PLEKHS1: variants seen among roughly 807,000 people sequenced by gnomAD.
PLEKHS1 encodes the protein pleckstrin homology domain-containing family S member 1.
In PLEKHS1, 55 loss-of-function variants were observed where a neutral mutation model predicts 51.0. The observed-to-expected ratio is 1.08, with a 90% CI of 0.87 to 1.35. The LOEUF (loss-of-function observed/expected upper bound fraction) is 1.35, where lower values mean the gene tolerates loss of function less well. PLEKHS1 is among the 40% of genes most tolerant of loss of function. The pLI, the probability that PLEKHS1 is intolerant of heterozygous loss-of-function variation, is 0.00. For synonymous variants in PLEKHS1, 153 were observed against 144.8 expected (o/e 1.06, Z -0.41); for missense variants, 398 against 423.0 (o/e 0.94, Z 0.52).
chr10:113,757,295 T>C (rs1854166596), intron 2 of PLEKHS1, among the ~76,000 whole-genome samples: 1 of 152,184 alleles, frequency 6.6e-6, no homozygotes, highest in South Asian at 2.1e-4. Context: ...AAGTGTACAA[T>C]TTGATAGAAG....
rs756194357 is a variant in PLEKHS1, at chr10:113,775,638, A to G, written c.990-127A>G. On this transcript the variant is annotated intron_variant, in intron 10 of 11. Coordinates refer to ENST00000361048, the Ensembl canonical transcript of PLEKHS1. ...AACTTAAATTTATATTATTCTCCAA[A>G]TGTTTTGAACAACCTTTACCTGGAC... 4.4e-4 allele frequency: 257 copies of G among 589,852 alleles called. 1 individual carries two copies. The highest frequency in any genetic ancestry group is 1.1e-4 in the Non-Finnish European group (37 of 340,592). 36.5% of individuals were successfully genotyped at this position (589,852 alleles called of 1,614,324 possible).
At chr10:113,755,284 C>T (rs980520842) in exon 2 of PLEKHS1, 1 of 1,608,080 alleles carries the variant, frequency 6.2e-7, no homozygotes, top group African/African-American at 1.3e-5. Context: ...CATCATGGAA[C>T]CCAAACCTCA....
At position 113,774,902 on chromosome 10, in the gene PLEKHS1, G is replaced by T. The variant is rs972251078; in HGVS notation, c.856G>T (p.Gly286Trp). 4 of 1,614,014 alleles carry T rather than the reference G, an allele frequency of 2.5e-6. No individual in the cohort carries two copies. In the African/African-American group the frequency reaches 5.3e-5, roughly 22 times the overall value. The change falls in exon 10 of 12, where the codon GGG becomes TGG. Residue 286 changes from glycine (G) to tryptophan (W), a missense_variant. Transcript: ENST00000361048. Reference sequence around the variant, plus strand: ...CCAGACCCTTCCAGAGACCCAGGATGGGGACCTCCACCTGCAAGAACAAGG... The same window carrying T: ...CCAGACCCTTCCAGAGACCCAGGATTGGGACCTCCACCTGCAAGAACAAGG...
intron 1 of PLEKHS1, among the ~76,000 whole-genome samples, chr10:113,752,340 T>TATAC (rs1214574623): frequency 6.6e-6 from 1 of 152,196 alleles, no homozygotes; most frequent in Non-Finnish European, 1.5e-5. Context: ...TATGTGAAAT[T>TATAC]ATATGTATAC....
chr10:113,778,801 G>A (rs977835189), intron 11 of PLEKHS1, among the ~76,000 whole-genome samples: 1 of 152,048 alleles, frequency 6.6e-6, no homozygotes, highest in Non-Finnish European at 1.5e-5. Context: ...CGGCCACTAC[G>A]CCCAGCTAAT....
intron 1 of PLEKHS1, among the ~76,000 whole-genome samples, chr10:113,754,875 T>C (rs959016029): frequency 1.8e-4 from 27 of 152,228 alleles, no homozygotes; most frequent in African/African-American, 6.0e-4. Context: ...TGATGCTTTC[T>C]CGGCTACGTT....
intron 2 of PLEKHS1, among the ~76,000 whole-genome samples, chr10:113,760,196 T>C (rs1160599656): frequency 4.6e-5 from 7 of 152,384 alleles, no homozygotes; most frequent in African/African-American, 1.7e-4. Flanking sequence ...AATAGTTTGT[T>C]TCTTTTTATT....
downstream of PLEKHS1, chr10:113,782,963 T>A (rs1844899787): frequency 2.0e-5 from 3 of 152,156 alleles, no homozygotes; most frequent in African/African-American, 7.2e-5. Flanking sequence ...AGGCTGGACG[T>A]GGTGGTTCAT....
chr10:113,767,514 C>A, intron 5 of PLEKHS1, 35 bp downstream of exon 5: 1 of 1,567,096 alleles, frequency 6.4e-7, no homozygotes, highest in Non-Finnish European at 8.6e-7. Flanking sequence ...ATATCTACTG[C>A]ATGCAAAACA....
chr10:113,779,806 G>A (rs961850661), intron 11 of PLEKHS1, among the ~76,000 whole-genome samples: 9 of 152,224 alleles, frequency 5.9e-5, no homozygotes, highest in Non-Finnish European at 8.8e-5. Context: ...TCTTGTGCTC[G>A]TTCTGCCTTC....
Position 113,753,895 on chromosome 10 carries a change from C to G in PLEKHS1, c.-19-1364C>G, listed in dbSNP as rs544466393. Among the ~76,000 whole-genome samples, 4 of 152,200 alleles carry G rather than the reference C, an allele frequency of 2.6e-5. No individual in the cohort carries two copies. The East Asian group carries it at 7.7e-4, about 29-fold the overall frequency. On this transcript the variant is annotated intron_variant, in intron 1 of 11. Transcript: ENST00000361048. ...ATGTGATCTCGGCTCACTACCTCTG[C>G]CTTCTGGGTTCATGTGATTCTTCTG...
intron 2 of PLEKHS1, among the ~76,000 whole-genome samples, chr10:113,760,770 A>T (rs1843887007): frequency 1.3e-5 from 2 of 152,094 alleles, no homozygotes; most frequent in African/African-American, 4.8e-5. Context: ...TAGTCTTTTC[A>T]CTTTCTTAAT....
At chr10:113,782,056 C>T (rs1256120613) in exon 12 of PLEKHS1, 5 of 152,164 alleles carry the variant, frequency 3.3e-5, no homozygotes, top group African/African-American at 1.2e-4. Context: ...CTAATTGATC[C>T]TGGAAGGCCA....
intron 7 of PLEKHS1, among the ~76,000 whole-genome samples, chr10:113,771,515 AT>A (rs1211887997): frequency 1.3e-5 from 2 of 151,730 alleles, no homozygotes; most frequent in African/African-American, 4.8e-5. Flanking sequence ...CTACTAAAAA[AT>A]ATACAAAAAT....
In PLEKHS1 at chr10:113,775,808, CT is replaced by C; in HGVS notation, c.1036del (p.Ser346LeufsTer54). 1.2e-6 allele frequency: 2 copies of C among 1,613,070 alleles called. No individual in the cohort carries two copies. The highest frequency in any genetic ancestry group is 2.2e-5 in the South Asian group (2 of 90,738). On this transcript the variant is annotated frameshift_variant, in exon 11 of 12. Coordinates refer to ENST00000361048, the Ensembl canonical transcript of PLEKHS1. LOFTEE classifies it high-confidence loss of function. ...CCAAGTGGAGAAACTGAACGTTTTC[CT>C]TTCTCCTCCTGATGTCATCAACTAT...
chr10:113,757,160 G>A (rs10787499), intron 2 of PLEKHS1, among the ~76,000 whole-genome samples: 45,025 of 151,976 alleles, frequency 0.3, 8,535 homozygotes, highest in Admixed American at 0.46. Context: ...TGATCCACCC[G>A]CCTTGGCCTC....
chr10:113,775,680 T>G, intron 10 of PLEKHS1, 85 bp from the exon 11 acceptor site: 1 of 784,198 alleles, frequency 1.3e-6, no homozygotes, highest in Non-Finnish European at 2.0e-6. Flanking sequence ...ATCTCAGAAA[T>G]AGAGGCCAAA....
At chr10:113,751,695 G>GT (rs1047728263) in exon 1 of PLEKHS1, 1 of 152,262 alleles carries the variant, frequency 6.6e-6, no homozygotes, top group African/African-American at 2.4e-5. Flanking sequence ...GTCAGCAGGA[G>GT]TGAGTTCAGG....
intron 11 of PLEKHS1, chr10:113,777,702 C>T: frequency 2.0e-6 from 3 of 1,522,162 alleles, no homozygotes; most frequent in Non-Finnish European, 2.6e-6. Flanking sequence ...AATAAAGCTA[C>T]TAGTTACTTT....
Sources: allele counts gnomAD v4.1 joint callset (sites outside exome capture counted in the v4.1 genomes callset), GRCh38; gene constraint gnomAD v4.1.1; transcripts MANE v1.5; gene names NCBI Gene and HGNC (gene_info 2026-07-23, HGNC 2026-07-21).